PAGE5: variants seen among roughly 807,000 people sequenced by gnomAD.
PAGE5 encodes the protein P antigen family member 5.
PAGE5 carries 8 observed loss-of-function variants against 8.1 expected under a neutral mutation model. That is an observed-to-expected ratio of 0.98 (90% CI 0.58 to 1.77). The LOEUF is 1.77. Ranked by LOEUF, PAGE5 falls within the 40% of genes most tolerant of loss-of-function variation. The pLI, the probability that PAGE5 is intolerant of heterozygous loss-of-function variation, is 0.00. For missense variants in PAGE5, 64 were observed against 77.6 expected, an observed-to-expected ratio of 0.82 and a Z score of 0.66; for synonymous variants, 30 against 27.0, an observed-to-expected ratio of 1.11 and a Z score of -0.35.
chrX:55,220,909 A>G (rs925431551), intron 1 of PAGE5, among the ~76,000 whole-genome samples: 1 of 110,902 alleles, frequency 9.0e-6, no homozygotes, highest in African/African-American at 3.3e-5. Flanking sequence ...ACATAACCTT[A>G]ACTCTGTGTC....
intron 1 of PAGE5, 84 bp from the exon 2 acceptor site, chrX:55,221,291 C>G: frequency 1.0e-5 from 9 of 897,510 alleles, no homozygotes; most frequent in Non-Finnish European, 1.4e-5. Flanking sequence ...TAAAAAAGTA[C>G]AAATCACCAT....
intron 3 of PAGE5, among the ~76,000 whole-genome samples, chrX:55,222,373 A>G (rs142066631): frequency 0.012 from 1,329 of 112,240 alleles, 14 homozygotes; most frequent in African/African-American, 0.04. Context: ...GACTCAAACA[A>G]ATCACTGATT....
At chrX:55,222,313 G>A (rs1326944509) in intron 3 of PAGE5, among the ~76,000 whole-genome samples, 3 of 111,713 alleles carry the variant, frequency 2.7e-5, no homozygotes, top group Non-Finnish European at 5.6e-5. Flanking sequence ...ACTAAGCGCC[G>A]GAGATGTCAG....
intron 1 of PAGE5, 52 bp from the exon 2 acceptor site, chrX:55,221,323 A>G: frequency 9.3e-7 from 1 of 1,080,287 alleles, no homozygotes; most frequent in African/African-American, 1.8e-5. Flanking sequence ...ATGTTCATAT[A>G]TATAGCTAAG....
At chrX:55,221,942 C>T (rs1314057085) in intron 3 of PAGE5, 67 bp downstream of exon 3, 9 of 1,036,192 alleles carry the variant, frequency 8.7e-6, no homozygotes, top group East Asian at 3.3e-5. Context: ...TATTTTGTGA[C>T]ATACCAGTAA....
At chrX:55,220,628 G>A in intron 1 of PAGE5, 176 bp downstream of exon 1, 1 of 1,203,113 alleles carries the variant, frequency 8.3e-7, no homozygotes, top group Non-Finnish European at 1.1e-6. Flanking sequence ...GGTAATCGTG[G>A]CTGGGCTGGA....
At chrX:55,222,388 G>A in intron 3 of PAGE5, among the ~76,000 whole-genome samples, 1 of 112,229 alleles carries the variant, frequency 8.9e-6, no homozygotes, top group South Asian at 3.7e-4. Context: ...CTGATTTAAT[G>A]TGATAAGAAT....
At position 55,221,721 on chromosome X, in the gene PAGE5, G is replaced by A. The variant is rs750331128; in HGVS notation, c.82-46G>A. On this transcript the variant is annotated intron_variant, in intron 2 of 4. Coordinates refer to ENST00000374955, the MANE Select transcript of PAGE5 (RefSeq NM_001013435.3). ...ATTCGATGCACATATGCATTTGTGT[G>A]TTTATATTATTGACTTTTTATTCGC... 9 of 1,147,069 alleles carry A rather than the reference G, an allele frequency of 7.8e-6. No homozygotes were observed. The Admixed American group carries it at 1.7e-4, about 22-fold the overall frequency. The allele number at this position is 1,147,069 out of a possible 1,213,427, so 94.5% of individuals were successfully genotyped here.
intron 1 of PAGE5, among the ~76,000 whole-genome samples, chrX:55,220,932 C>T (rs768144630): frequency 9.0e-6 from 1 of 111,111 alleles, no homozygotes; most frequent in East Asian, 2.8e-4. Context: ...AACTTCTCAT[C>T]TCAGCCATGG....
At chrX:55,220,553 G>A (rs747719458) in intron 1 of PAGE5, 101 bp downstream of exon 1, 52 of 1,153,847 alleles carry the variant, frequency 4.5e-5, no homozygotes, top group South Asian at 1.3e-4. Context: ...CCGTGGCTTT[G>A]AGGGAAAAGG....
At chrX:55,220,573 T>C (rs1421374870) in intron 1 of PAGE5, 121 bp downstream of exon 1, 1 of 1,182,716 alleles carries the variant, frequency 8.5e-7, no homozygotes, top group East Asian at 3.1e-5. Flanking sequence ...GGCCTCGCGG[T>C]GGTCCTCCGC....
Position 55,221,787 on chromosome X carries a change from A to G in PAGE5, c.102A>G (p.Glu34=). ...CTTAGGTCCAGCAGCCCACTGAGGAAAAACGTCAAGAAGAGGAACCACCAA... is the reference window on the plus strand; with the variant it reads ...CTTAGGTCCAGCAGCCCACTGAGGAGAAACGTCAAGAAGAGGAACCACCAA... ...GPVIVQQPTE[E]KRQEEEPPTD... is the part of the protein sequence containing the mutation. The change falls in exon 3 of 5, where the codon GAA becomes GAG. Residue 34 remains glutamate (E), a synonymous_variant. Coordinates refer to ENST00000374955, the MANE Select transcript of PAGE5 (RefSeq NM_001013435.3). 1 of 1,210,439 alleles carries G rather than the reference A, an allele frequency of 8.3e-7. No homozygotes were observed. Among genetic ancestry groups the G allele is most frequent in the Non-Finnish European group, 1.1e-6 (1 of 894,946 alleles).
At position 55,222,312 on chromosome X, in the gene PAGE5, C is replaced by T. The variant is rs1264818807; in HGVS notation, c.191-309C>T. Among the ~76,000 whole-genome samples the T allele has an allele frequency of 9.8e-5, 11 of 111,736 alleles. No individual in the cohort carries two copies. The East Asian group carries it at 1.7e-3, about 17-fold the overall frequency. On this transcript the variant is annotated intron_variant, in intron 3 of 4. Transcript: ENST00000374955. ...TCATGCTGTGTAATATACTAAGCGCCGGAGATGTCAGTGCCAAATTTTTGC... is the reference window on the plus strand; with the variant it reads ...TCATGCTGTGTAATATACTAAGCGCTGGAGATGTCAGTGCCAAATTTTTGC...
At chrX:55,220,567 T>C in intron 1 of PAGE5, 115 bp downstream of exon 1, 1 of 1,175,253 alleles carries the variant, frequency 8.5e-7, no homozygotes, top group Non-Finnish European at 1.1e-6. Context: ...GAAAAGGGCC[T>C]CGCGGTGGTC....
intron 4 of PAGE5, among the ~76,000 whole-genome samples, chrX:55,223,401 A>G (rs775534506): frequency 8.9e-6 from 1 of 111,982 alleles, no homozygotes; most frequent in African/African-American, 3.2e-5. Flanking sequence ...TTACTGTATA[A>G]ACTGAAATGC....
chrX:55,220,970 G>A, intron 1 of PAGE5, among the ~76,000 whole-genome samples: 1 of 111,288 alleles, frequency 9.0e-6, no homozygotes. Context: ...GGTTGAGGCT[G>A]TGCATTCCAA....
chrX:55,220,648 G>A, intron 1 of PAGE5, 196 bp downstream of exon 1: 1 of 1,201,251 alleles, frequency 8.3e-7, no homozygotes, highest in Non-Finnish European at 1.1e-6. Context: ...AACGAGGGAG[G>A]AAGGTAGGCC....
intron 1 of PAGE5, chrX:55,220,667 G>A: frequency 8.4e-7 from 1 of 1,193,440 alleles, no homozygotes; most frequent in African/African-American, 1.7e-5. Flanking sequence ...CCGTGGAGGG[G>A]GTAGATCGCC....
At chrX:55,221,209 G>C (rs1937886654) in intron 1 of PAGE5, among the ~76,000 whole-genome samples, 166 bp from the exon 2 acceptor site, 1 of 111,686 alleles carries the variant, frequency 9.0e-6, no homozygotes, top group Admixed American at 9.5e-5. Flanking sequence ...AAACAAATCT[G>C]TCCTTAGTTT....
Sources: allele counts gnomAD v4.1 joint callset (sites outside exome capture counted in the v4.1 genomes callset), GRCh38; gene constraint gnomAD v4.1.1; transcripts MANE v1.5; gene names NCBI Gene and HGNC (gene_info 2026-07-23, HGNC 2026-07-21).